Variants in PIK3R1 observed in about 807,000 individuals in gnomAD.
The protein encoded by PIK3R1 is phosphatidylinositol 3-kinase regulatory subunit alpha.
Under a neutral mutation model 98.0 loss-of-function variants are expected in PIK3R1, and 29 were observed. The ratio of observed to expected loss-of-function variants is 0.30; its 90% CI spans 0.22 to 0.40. The LOEUF is 0.40. Among genes scored for constraint, PIK3R1 ranks in the 10% least tolerant of loss-of-function variants. The pLI is 1.00. For synonymous variants in PIK3R1, 282 were observed against 311.8 expected, an observed-to-expected ratio of 0.90 and a Z score of 1.01; for missense variants, 596 against 872.7, an observed-to-expected ratio of 0.68 and a Z score of 3.99.
intron 7 of PIK3R1, among the ~76,000 whole-genome samples, chr5:68,289,985 C>T (rs1747299595): frequency 1.3e-5 from 2 of 152,012 alleles, no homozygotes; most frequent in South Asian, 2.1e-4. Context: ...CAGACAATTA[C>T]GTTTATTATT....
At chr5:68,277,183 C>T (rs1275118511) in intron 4 of PIK3R1, among the ~76,000 whole-genome samples, 1 of 152,132 alleles carries the variant, frequency 6.6e-6, no homozygotes, top group Non-Finnish European at 1.5e-5. Flanking sequence ...ATGAAACATG[C>T]GGGGCAAAGT....
chr5:68,232,387 C>T (rs1204439324), intron 2 of PIK3R1, among the ~76,000 whole-genome samples: 2 of 152,120 alleles, frequency 1.3e-5, no homozygotes, highest in Non-Finnish European at 2.9e-5. Context: ...ACAGGATGCT[C>T]ACTTTTATTG....
chr5:68,278,651 C>T (rs1438900360), intron 4 of PIK3R1, among the ~76,000 whole-genome samples: 1 of 152,146 alleles, frequency 6.6e-6, no homozygotes, highest in Non-Finnish European at 1.5e-5. Flanking sequence ...GCTTAAAACG[C>T]AGAAACTTGG....
In PIK3R1 at chr5:68,250,589, C is replaced by A. The variant is rs185741383; in HGVS notation, c.335-22801C>A. Among the ~76,000 whole-genome samples, 20 of 152,270 alleles carry A rather than the reference C, an allele frequency of 1.3e-4. No individual in the cohort carries two copies. The East Asian group carries it at 3.9e-3, about 29-fold the overall frequency. ...TGCAGTCATTGCCAATGTAGTCATG[C>A]AAAATCACTTGAGTGAAATAGACTT... On this transcript the variant is annotated intron_variant, in intron 2 of 15. Coordinates refer to ENST00000521381, the MANE Select transcript of PIK3R1 (RefSeq NM_181523.3).
intron 2 of PIK3R1, among the ~76,000 whole-genome samples, chr5:68,236,627 A>G (rs1015834729): frequency 6.6e-6 from 1 of 152,256 alleles, no homozygotes; most frequent in Non-Finnish European, 1.5e-5. Context: ...ATTAAAAAAT[A>G]TCATAGTGAT....
At chr5:68,290,864 A>C (rs1747349057) in intron 7 of PIK3R1, 1 of 1,464,728 alleles carries the variant, frequency 6.8e-7, no homozygotes, top group Non-Finnish European at 9.3e-7. Context: ...GTAGAGAGTT[A>C]GTTAATTTCG....
intron 2 of PIK3R1, among the ~76,000 whole-genome samples, chr5:68,257,487 G>A (rs1316272026): frequency 1.3e-5 from 2 of 152,174 alleles, no homozygotes; most frequent in African/African-American, 4.8e-5. Context: ...GGGGAGTAAT[G>A]TATTTGTGAC....
intron 1 of PIK3R1, among the ~76,000 whole-genome samples, chr5:68,217,244 C>G (rs1743920434): frequency 6.6e-6 from 1 of 152,116 alleles, no homozygotes; most frequent in South Asian, 2.1e-4. Context: ...GCTTATTGGT[C>G]AAGGCTTGAT....
chr5:68,296,370 C>T (rs1747714633), intron 15 of PIK3R1, 29 bp downstream of exon 15: 1 of 1,578,136 alleles, frequency 6.3e-7, no homozygotes, highest in Non-Finnish European at 8.6e-7. Flanking sequence ...CTTTTCTTTA[C>T]AACATCTCAT....
Position 68,299,731 on chromosome 5 carries a change from G to C in PIK3R1, c.*2130G>C. On this transcript the variant is annotated 3_prime_UTR_variant, in exon 16 of 16. Coordinates refer to ENST00000521381, the MANE Select transcript of PIK3R1 (RefSeq NM_181523.3). ...TTTTTTAATGTTGTTCCTTTTGAAAGAATCAGTCTTGCAGCTGAGTGAAAA... is the reference window on the plus strand; with the variant it reads ...TTTTTTAATGTTGTTCCTTTTGAAACAATCAGTCTTGCAGCTGAGTGAAAA... 1 of 233,162 alleles carries C rather than the reference G, an allele frequency of 4.3e-6. No individual in the cohort carries two copies. The highest frequency in any genetic ancestry group is 8.5e-6 in the Non-Finnish European group (1 of 117,994). 14.4% of individuals were successfully genotyped at this position (233,162 alleles called of 1,614,324 possible). A position where few individuals can be genotyped will look rare whatever the true frequency, so the allele number is the denominator to read the frequency against.
In PIK3R1 at chr5:68,301,378, GTGTGTGTGTGTGTGTA is replaced by G. The variant is rs1445041754; in HGVS notation, c.*3779_*3794del. On this transcript the variant is annotated 3_prime_UTR_variant, in exon 16 of 16. Coordinates refer to ENST00000521381, the MANE Select transcript of PIK3R1 (RefSeq NM_181523.3). ...TATATATATATATATGTGTGTGTGT[GTGTGTGTGTGTGTGTA>G]TATATATATATATATATATATATAT... 1.2e-4 allele frequency: 5 copies of G among 42,252 alleles called. No homozygotes were observed. The highest frequency in any genetic ancestry group is 9.4e-5 in the Non-Finnish European group (2 of 21,282). 2.6% of individuals were successfully genotyped at this position (42,252 alleles called of 1,614,324 possible).
At chr5:68,232,759 C>G (rs1464375511) in intron 2 of PIK3R1, among the ~76,000 whole-genome samples, 1 of 152,170 alleles carries the variant, frequency 6.6e-6, no homozygotes, top group Non-Finnish European at 1.5e-5. Flanking sequence ...GTTCTATACA[C>G]TTCTTTCTGT....
chr5:68,227,127 G>C, intron 2 of PIK3R1, 118 bp downstream of exon 2: 1 of 803,636 alleles, frequency 1.2e-6, no homozygotes, highest in Non-Finnish European at 2.0e-6. Flanking sequence ...AACTGCACCT[G>C]AATTGATGTG....
In PIK3R1 at chr5:68,290,612, T is replaced by G. The variant is rs1747332540; in HGVS notation, c.917-1647T>G. 3 of 1,391,280 alleles carry G rather than the reference T, an allele frequency of 2.2e-6. No individual in the cohort carries two copies. The East Asian group carries it at 7.9e-5, about 36-fold the overall frequency. The allele number at this position is 1,391,280 out of a possible 1,614,324, so 86.2% of individuals were successfully genotyped here. On this transcript the variant is annotated intron_variant, in intron 7 of 15. Coordinates refer to ENST00000521381, the MANE Select transcript of PIK3R1 (RefSeq NM_181523.3). Reference sequence around the variant, plus strand: ...TGACTTGATTGGCTGGGGCGTGTGATGTAATAGGTTTCAGTGCAGCCCCTT... The same window carrying G: ...TGACTTGATTGGCTGGGGCGTGTGAGGTAATAGGTTTCAGTGCAGCCCCTT...
intron 4 of PIK3R1, among the ~76,000 whole-genome samples, chr5:68,275,173 A>G (rs982269274): frequency 6.6e-6 from 1 of 152,224 alleles, no homozygotes; most frequent in African/African-American, 2.4e-5. Flanking sequence ...TTTCCTTTGT[A>G]CATGGAAATC....
At chr5:68,250,141 C>T (rs1409584918) in intron 2 of PIK3R1, among the ~76,000 whole-genome samples, 11 of 152,226 alleles carry the variant, frequency 7.2e-5, no homozygotes, top group Admixed American at 2.0e-4. Context: ...TGTCTTCCTT[C>T]GCCCTTAGCA....
intron 1 of PIK3R1, among the ~76,000 whole-genome samples, chr5:68,221,611 C>T (rs1744095327): frequency 6.6e-6 from 1 of 152,188 alleles, no homozygotes; most frequent in Non-Finnish European, 1.5e-5. Flanking sequence ...CCATCAAGTT[C>T]TCCAAATTCT....
At chr5:68,289,587 T>C (rs1304628864) in intron 7 of PIK3R1, among the ~76,000 whole-genome samples, 1 of 150,654 alleles carries the variant, frequency 6.6e-6, no homozygotes, top group Non-Finnish European at 1.5e-5. Flanking sequence ...CATAATATTG[T>C]GAATGTAAAG....
chr5:68,295,531 A>G, intron 14 of PIK3R1, 43 bp downstream of exon 14: 1 of 1,537,512 alleles, frequency 6.5e-7, no homozygotes, highest in Non-Finnish European at 9.0e-7. Context: ...GATTTTTCTC[A>G]TTTTAGGAAA....
Sources: allele counts gnomAD v4.1 joint callset (sites outside exome capture counted in the v4.1 genomes callset), GRCh38; gene constraint gnomAD v4.1.1; transcripts MANE v1.5; gene names NCBI Gene and HGNC (gene_info 2026-07-23, HGNC 2026-07-21).